Variants in MYO5B observed in about 807,000 individuals in gnomAD.
MYO5B encodes myosin VB.
A neutral mutation model predicts 229.3 loss-of-function variants in MYO5B; 143 were observed. The ratio of observed to expected loss-of-function variants is 0.62; its 90% CI spans 0.54 to 0.72. The LOEUF is 0.72. Among genes scored for constraint, MYO5B ranks in the 30% least tolerant of loss-of-function variants. The probability of loss-of-function intolerance (pLI) is 0.00; values close to 1 mark genes in which losing one functional copy is unlikely to be tolerated. For missense variants in MYO5B, 2,321 were observed against 2,331.0 expected (o/e 1.00, Z 0.09); for synonymous variants, 918 against 885.2 (o/e 1.04, Z -0.66).
At position 50,065,506 on chromosome 18, in the gene MYO5B, G is replaced by A. The variant is rs534409679; in HGVS notation, c.28-10128C>T. On this transcript the variant is annotated intron_variant, in intron 1 of 39. Coordinates refer to ENST00000285039, the MANE Select transcript of MYO5B (RefSeq NM_001080467.3). ...GAAAAGAAAAAGTGCAGGGGAAACC[G>A]CCACTTATACAACCATCAGATCTCA... Among the ~76,000 whole-genome samples the A allele has an allele frequency of 1.9e-4, 29 of 152,230 alleles. No individual in the cohort carries two copies. The South Asian group carries it at 5.4e-3, about 28-fold the overall frequency.
At chr18:50,115,547 G>GACACATAC (rs1555660370) in intron 1 of MYO5B, among the ~76,000 whole-genome samples, 84 of 125,178 alleles carry the variant, frequency 6.7e-4, no homozygotes, top group African/African-American at 2.2e-3. Context: ...CACACAGAGA[G>GACACATAC]ACACACACAC....
chr18:49,909,522 C>A (rs2024935633), intron 18 of MYO5B, among the ~76,000 whole-genome samples: 1 of 152,234 alleles, frequency 6.6e-6, no homozygotes, highest in African/African-American at 2.4e-5. Flanking sequence ...TAGTCATGAG[C>A]AGCTCTTGGC....
At chr18:49,898,987 T>C (rs1474676774) in intron 21 of MYO5B, among the ~76,000 whole-genome samples, 1 of 152,186 alleles carries the variant, frequency 6.6e-6, no homozygotes, top group East Asian at 1.9e-4. Flanking sequence ...TTGAGCTAGA[T>C]GTTACCTTAG....
intron 2 of MYO5B, among the ~76,000 whole-genome samples, chr18:50,052,590 G>T (rs867333242): frequency 6.8e-6 from 1 of 147,680 alleles, no homozygotes; most frequent in Non-Finnish European, 1.5e-5. Flanking sequence ...AGCATTAGGA[G>T]ATATACCTAA....
At chr18:49,904,902 T>A in intron 19 of MYO5B, 74 bp from the exon 20 acceptor site, 2 of 1,556,260 alleles carry the variant, frequency 1.3e-6, no homozygotes, top group Admixed American at 3.6e-5. Context: ...CCCTGAGACA[T>A]CTGCAAATGC....
rs2001369 is a variant in MYO5B at position 50,030,463 on chromosome 18, G to A, written c.455+6387C>T. On this transcript the variant is annotated intron_variant, in intron 4 of 39. Transcript: ENST00000285039. ...AGAGGGACACTTTTGGCTTTTTCAC[G>A]ATGGACACTCATTTCCATACTGCTT... 5.5e-3 allele frequency among the ~76,000 whole-genome samples: 839 copies of A among 152,094 alleles called. 5 individuals are homozygous for A. The highest frequency in any genetic ancestry group is 0.019 in the African/African-American group (788 of 41,494).
Position 49,823,981 on chromosome 18 carries a change from A to G in MYO5B, c.*2490T>C, listed in dbSNP as rs191222879. On this transcript the variant is annotated 3_prime_UTR_variant, in exon 40 of 40. Transcript: ENST00000285039. Reference sequence around the variant, plus strand: ...ACAGCAACACTTATTTCAGAGAAACAACTGATGTCAGTTATCTTAGTAACC... The same window carrying G: ...ACAGCAACACTTATTTCAGAGAAACGACTGATGTCAGTTATCTTAGTAACC... 1.2e-3 allele frequency: 181 copies of G among 152,806 alleles called. 1 individual carries two copies. The highest frequency in any genetic ancestry group is 4.2e-3 in the African/African-American group (175 of 41,590). The allele number at this position is 152,806 out of a possible 1,614,324, so 9.5% of individuals were successfully genotyped here.
At chr18:49,902,877 G>A (rs2024858884) in intron 20 of MYO5B, 44 bp from the exon 21 acceptor site, 1 of 1,593,080 alleles carries the variant, frequency 6.3e-7, no homozygotes, top group Non-Finnish European at 8.5e-7. Flanking sequence ...TTGCACTGCA[G>A]GACAGGAGTG....
chr18:49,966,481 C>T (rs1037682318), intron 10 of MYO5B, among the ~76,000 whole-genome samples: 2 of 152,184 alleles, frequency 1.3e-5, no homozygotes, highest in South Asian at 2.1e-4. Context: ...CCCTTAGAAC[C>T]TTACTGCCTT....
At chr18:49,838,546 T>C (rs1379830082) in intron 36 of MYO5B, among the ~76,000 whole-genome samples, 1 of 152,226 alleles carries the variant, frequency 6.6e-6, no homozygotes, top group African/African-American at 2.4e-5. Flanking sequence ...ACTTGTGTTG[T>C]AAGAACCTGG....
intron 14 of MYO5B, among the ~76,000 whole-genome samples, chr18:49,949,723 C>T (rs1787288): frequency 0.23 from 35,298 of 152,036 alleles, 5,857 homozygotes; most frequent in African/African-American, 0.47. Flanking sequence ...AATTTACAAA[C>T]AGGATTTGAG....
chr18:50,177,275 C>A (rs962318667), intron 1 of MYO5B, among the ~76,000 whole-genome samples: 1 of 152,066 alleles, frequency 6.6e-6, no homozygotes, highest in African/African-American at 2.4e-5. Context: ...GGAAAATAGA[C>A]GCCTCCATAC....
At position 49,856,868 on chromosome 18, in the gene MYO5B, A is replaced by T. The variant is rs774352140; in HGVS notation, c.3967T>A (p.Leu1323Ile). ...AAGCCGAGTTCTCCATCTTCATTTA[A>T]ATATCCCCAATCCTCAGTCTTGCTA... ...TNSKTEDWGY[L>I]NEDGELGLAY... The change falls in exon 30 of 40, where the codon TTA becomes ATA. Residue 1323 changes from leucine (L) to isoleucine (I), a missense_variant. By Grantham distance (5) the Leu-to-Ile change is conservative. This residue lies in a region of MYO5B where 2,113 missense variants were observed against 2,044.7 expected (regional missense o/e 1.03). Coordinates refer to ENST00000285039, the MANE Select transcript of MYO5B (RefSeq NM_001080467.3). 3 of 1,614,054 alleles carry T rather than the reference A, an allele frequency of 1.9e-6. No individual in the cohort carries two copies. The South Asian group carries it at 3.3e-5, about 18-fold the overall frequency.
At chr18:50,023,367 C>T (rs981271250) in intron 4 of MYO5B, among the ~76,000 whole-genome samples, 1 of 152,126 alleles carries the variant, frequency 6.6e-6, no homozygotes, top group Non-Finnish European at 1.5e-5. Context: ...TATGCCAAAC[C>T]AAGCTGCGGC....
chr18:50,171,288 TGA>T (rs1472437068), intron 1 of MYO5B, among the ~76,000 whole-genome samples: 1 of 127,260 alleles, frequency 7.9e-6, no homozygotes, highest in Admixed American at 8.4e-5. Context: ...AGCAGAGGCA[TGA>T]GAGGAGATGC....
intron 22 of MYO5B, among the ~76,000 whole-genome samples, chr18:49,886,490 T>C (rs1598857401): frequency 1.3e-5 from 2 of 152,210 alleles, no homozygotes; most frequent in South Asian, 4.2e-4. Context: ...AAGTAAATGA[T>C]AAGCACAGTC....
chr18:49,915,196 T>C (rs2024999553), intron 17 of MYO5B, among the ~76,000 whole-genome samples: 1 of 152,212 alleles, frequency 6.6e-6, no homozygotes. Context: ...GTTTGAGCTA[T>C]AACTCACATA....
intron 1 of MYO5B, among the ~76,000 whole-genome samples, chr18:50,108,835 T>C (rs2031811023): frequency 6.6e-6 from 1 of 152,204 alleles, no homozygotes; most frequent in African/African-American, 2.4e-5. Flanking sequence ...CTCTGAAGTG[T>C]TCAAGTCTAA....
At chr18:49,961,257 C>G (rs1179045471) in intron 12 of MYO5B, among the ~76,000 whole-genome samples, 2 of 152,126 alleles carry the variant, frequency 1.3e-5, no homozygotes, top group Non-Finnish European at 2.9e-5. Context: ...CAAACACTTG[C>G]TACACTGAGA....
Sources: gnomAD v4.1 joint callset for allele counts (sites outside exome capture counted in the v4.1 genomes callset) on GRCh38, gnomAD v4.1.1 for gene constraint, gnomAD v4.1.1 regional missense constraint, MANE v1.5 for transcripts, NCBI Gene and HGNC (gene_info 2026-07-23, HGNC 2026-07-21) for gene names.